Variants in ZSWIM5 observed in about 807,000 individuals in gnomAD.
ZSWIM5 encodes zinc finger SWIM domain-containing protein 5.
A neutral mutation model predicts 119.6 loss-of-function variants in ZSWIM5; 55 were observed. The ratio of observed to expected loss-of-function variants is 0.46; its 90% confidence interval spans 0.37 to 0.58. ZSWIM5 has a LOEUF of 0.58. ZSWIM5 is among the 20% of genes least tolerant of loss of function. The pLI, the probability that ZSWIM5 is intolerant of heterozygous loss-of-function variation, is 0.00. For synonymous variants in ZSWIM5, 537 were observed against 606.9 expected, an observed-to-expected ratio of 0.88 and a Z score of 1.69; for missense variants, 1,193 against 1,512.8, an observed-to-expected ratio of 0.79 and a Z score of 3.51.
At chr1:45,058,581 A>G (rs1311681046) in intron 4 of ZSWIM5, 28 bp downstream of exon 4, 1 of 1,613,708 alleles carries the variant, frequency 6.2e-7, no homozygotes, top group African/African-American at 1.3e-5. Context: ...GGTAGAACAA[A>G]GCACTTCTCT....
chr1:45,157,478 G>A (rs933389666), intron 1 of ZSWIM5, among the ~76,000 whole-genome samples: 5 of 152,056 alleles, frequency 3.3e-5, no homozygotes, highest in African/African-American at 9.7e-5. Context: ...CCTGGCCAAC[G>A]AATTATTTTT....
At position 45,128,964 on chromosome 1, in the gene ZSWIM5, T is replaced by C. The variant is rs188642847; in HGVS notation, c.596-40727A>G. Reference sequence around the variant, plus strand: ...AGTTCCTGCATGTCTTCTCATGGCTTGACAGCTCTTTTTAGCACCAAAAAA... The same window carrying C: ...AGTTCCTGCATGTCTTCTCATGGCTCGACAGCTCTTTTTAGCACCAAAAAA... On this transcript the variant is annotated intron_variant, in intron 1 of 13. Coordinates refer to ENST00000359600, the MANE Select transcript of ZSWIM5 (RefSeq NM_020883.2). Among the ~76,000 whole-genome samples, 462 of 152,302 alleles carry C rather than the reference T, an allele frequency of 3.0e-3. 2 individuals are homozygous for C. Among genetic ancestry groups the C allele is most frequent in the Middle Eastern group, 6.8e-3 (2 of 294 alleles).
At chr1:45,181,264 G>A (rs1185709095) in intron 1 of ZSWIM5, among the ~76,000 whole-genome samples, 3 of 152,068 alleles carry the variant, frequency 2.0e-5, no homozygotes, top group African/African-American at 7.2e-5. Flanking sequence ...TGAAAGCCAA[G>A]GCTCAAGAAC....
intron 1 of ZSWIM5, among the ~76,000 whole-genome samples, chr1:45,093,969 C>T (rs946599620): frequency 2.0e-5 from 3 of 151,266 alleles, no homozygotes; most frequent in African/African-American, 7.3e-5. Context: ...TTAATTTCCC[C>T]AAGTAGCAGA....
intron 7 of ZSWIM5, 113 bp from the exon 8 acceptor site, chr1:45,039,186 G>T (rs61788380): frequency 0.082 from 106,812 of 1,308,906 alleles, 5,154 homozygotes; most frequent in Non-Finnish European, 0.097. Context: ...TCAAATAAAA[G>T]CTTCTCTATT....
At chr1:45,195,163 A>G (rs1457130902) in intron 1 of ZSWIM5, among the ~76,000 whole-genome samples, 1 of 152,212 alleles carries the variant, frequency 6.6e-6, no homozygotes, top group African/African-American at 2.4e-5. Flanking sequence ...TACATTCCAT[A>G]GTAAACTGTG....
rs1279312041 is a variant in ZSWIM5, at chr1:45,148,890, T to G, written c.595+56866A>C. Among the ~76,000 whole-genome samples the G allele has an allele frequency of 3.9e-5, 6 of 152,342 alleles. No homozygotes were observed. The East Asian group carries it at 1.2e-3, about 29-fold the overall frequency. ...TGTCCTATAATATTCATACTAATTT[T>G]TTTCTTCCTTCAATTTGTATCAACA... On this transcript the variant is annotated intron_variant, in intron 1 of 13. Transcript: ENST00000359600.
intron 1 of ZSWIM5, among the ~76,000 whole-genome samples, chr1:45,148,395 A>G (rs1645775902): frequency 6.6e-6 from 1 of 152,144 alleles, no homozygotes; most frequent in South Asian, 2.1e-4. Context: ...AAGTAGGCCA[A>G]AGGGTAGGGT....
intron 1 of ZSWIM5, among the ~76,000 whole-genome samples, chr1:45,110,718 C>A (rs768191515): frequency 6.6e-6 from 1 of 152,070 alleles, no homozygotes. Context: ...CAAGTCTCTA[C>A]GGAAATAGTG....
chr1:45,175,415 C>A (rs1380021744), intron 1 of ZSWIM5, among the ~76,000 whole-genome samples: 3 of 151,920 alleles, frequency 2.0e-5, no homozygotes, highest in Non-Finnish European at 4.4e-5. Context: ...TGACATTATG[C>A]CAATATACTC....
At chr1:45,108,004 C>G (rs1245497522) in intron 1 of ZSWIM5, among the ~76,000 whole-genome samples, 1 of 152,066 alleles carries the variant, frequency 6.6e-6, no homozygotes, top group Non-Finnish European at 1.5e-5. Flanking sequence ...CTATATTGTC[C>G]AGGCTGGCCT....
rs77990247 is a variant in ZSWIM5 at position 45,117,495 on chromosome 1, T to G, written c.596-29258A>C. On this transcript the variant is annotated intron_variant, in intron 1 of 13. Coordinates refer to ENST00000359600, the MANE Select transcript of ZSWIM5 (RefSeq NM_020883.2). ...TTTGAGACCAGCCCTGGCAACATAG[T>G]GAAACCCTGTCTACTAAAAATAAAA... 6.8e-3 allele frequency among the ~76,000 whole-genome samples: 1,036 copies of G among 152,182 alleles called. 12 individuals carry two copies. Among genetic ancestry groups the G allele is most frequent in the African/African-American group, 0.022 (925 of 41,508 alleles).
chr1:45,193,237 G>T (rs1479031190), intron 1 of ZSWIM5, among the ~76,000 whole-genome samples: 2 of 152,170 alleles, frequency 1.3e-5, no homozygotes, highest in African/African-American at 4.8e-5. Flanking sequence ...GATTTTATCT[G>T]CTGCAAAAGC....
At chr1:45,070,497 T>C (rs1283146751) in intron 2 of ZSWIM5, 1 of 796,146 alleles carries the variant, frequency 1.3e-6, no homozygotes, top group East Asian at 2.8e-5. Flanking sequence ...AGTTTTAAAA[T>C]TTTCTGCCAT....
intron 1 of ZSWIM5, among the ~76,000 whole-genome samples, chr1:45,096,554 G>A (rs3124589): frequency 0.18 from 23,626 of 134,994 alleles, 1,900 homozygotes; most frequent in African/African-American, 0.22. Context: ...ACACACACAC[G>A]CACACACACA....
intron 1 of ZSWIM5, among the ~76,000 whole-genome samples, chr1:45,180,931 T>C (rs947390776): frequency 6.6e-6 from 1 of 152,084 alleles, no homozygotes; most frequent in African/African-American, 2.4e-5. Flanking sequence ...AAAACCCATC[T>C]GTACATCACC....
chr1:45,128,726 T>C (rs1482554260), intron 1 of ZSWIM5, among the ~76,000 whole-genome samples: 2 of 152,242 alleles, frequency 1.3e-5, no homozygotes, highest in African/African-American at 4.8e-5. Context: ...ACTATTACAG[T>C]ATCATACAGA....
In ZSWIM5 at chr1:45,168,868, AG is replaced by A. The variant is rs1261584165; in HGVS notation, c.595+36887del. Among the ~76,000 whole-genome samples the A allele has an allele frequency of 7.2e-5, 11 of 152,220 alleles. 1 individual carries two copies. In the East Asian group the frequency reaches 2.1e-3, roughly 29 times the overall value. On this transcript the variant is annotated intron_variant, in intron 1 of 13. Transcript: ENST00000359600. ...AGCTAGAACAGAGGAAAGGACATCT[AG>A]GTAAAATGGCATATGTGATTTGCAA...
chr1:45,126,320 T>C (rs1645621771), intron 1 of ZSWIM5, among the ~76,000 whole-genome samples: 1 of 149,882 alleles, frequency 6.7e-6, no homozygotes, highest in South Asian at 2.1e-4. Flanking sequence ...GAAGACACAA[T>C]ACCAACATGA....
Sources: allele counts gnomAD v4.1 joint callset (sites outside exome capture counted in the v4.1 genomes callset), GRCh38; gene constraint gnomAD v4.1.1; transcripts MANE v1.5; gene names NCBI Gene and HGNC (gene_info 2026-07-23, HGNC 2026-07-21).